Variants in FOCAD observed in about 807,000 individuals in gnomAD.
FOCAD encodes the protein KIAA1797.
Under a neutral mutation model 225.6 loss-of-function variants are expected in FOCAD, and 198 were observed. The ratio of observed to expected loss-of-function variants is 0.88; its 90% CI spans 0.78 to 0.99. The LOEUF (loss-of-function observed/expected upper bound fraction) is 0.99. FOCAD is among the 50% of genes least tolerant of loss of function. FOCAD has a pLI of 0.00. For missense variants in FOCAD, 2,713 were observed against 2,123.6 expected (o/e 1.28, Z -5.46); for synonymous variants, 897 against 755.0 (o/e 1.19, Z -3.08).
At chr9:20,907,283 T>C in intron 22 of FOCAD, 41 bp downstream of exon 22, 1 of 1,491,938 alleles carries the variant, frequency 6.7e-7, no homozygotes, top group Non-Finnish European at 9.3e-7. Context: ...GCGAAATGTC[T>C]CCTTATCTCA....
rs768526873 is a variant in FOCAD at position 20,781,892 on chromosome 9, T to C, written c.1160T>C (p.Met387Thr). The C allele has an allele frequency of 5.6e-6, 9 of 1,614,070 alleles. No homozygotes were observed. The highest frequency in any genetic ancestry group is 3.3e-4 in the Middle Eastern group (2 of 6,056). ...RQQLALNLLE[M>T]IQQECYRDDH... ...CAGTTGGCTCTAAACCTTTTGGAAA[T>C]GATACAGCAGGAATGTTACAGAGAT... The change falls in exon 10 of 44, where the codon ATG becomes ACG. Residue 387 changes from methionine to threonine, a missense_variant. Met to Thr is a moderately conservative substitution (Grantham distance 81). Transcript: ENST00000338382.
intron 15 of FOCAD, among the ~76,000 whole-genome samples, chr9:20,848,249 G>A (rs1213738314): frequency 6.6e-6 from 1 of 152,004 alleles, no homozygotes; most frequent in African/African-American, 2.4e-5. Context: ...ATGATTTGAC[G>A]CTAATAGACT....
intron 15 of FOCAD, among the ~76,000 whole-genome samples, chr9:20,834,350 C>T (rs1825791596): frequency 6.6e-6 from 1 of 151,960 alleles, no homozygotes; most frequent in African/African-American, 2.4e-5. Context: ...GTGTGTTGGG[C>T]TTAATACCTA....
At chr9:20,823,615 A>T (rs1051202178) in intron 15 of FOCAD, among the ~76,000 whole-genome samples, 76 of 152,222 alleles carry the variant, frequency 5.0e-4, no homozygotes, top group African/African-American at 1.8e-3. Flanking sequence ...TGTTCCCAGA[A>T]TTATAACACA....
intron 15 of FOCAD, among the ~76,000 whole-genome samples, chr9:20,844,360 T>TTC (rs1229496833): frequency 7.6e-6 from 1 of 132,332 alleles, no homozygotes; most frequent in Non-Finnish European, 1.6e-5. Context: ...TTTTTTTTTT[T>TTC]TTTTTTTTTT....
chr9:20,699,737 C>CA (rs71334546), intron 1 of FOCAD, among the ~76,000 whole-genome samples: 5 of 40,566 alleles, frequency 1.2e-4, no homozygotes, highest in Non-Finnish European at 1.9e-4. Flanking sequence ...GACTCCGTCT[C>CA]AAAAAAAAAA....
At position 20,889,278 on chromosome 9, in the gene FOCAD, G is replaced by T. The variant is rs557145802; in HGVS notation, c.2625+4048G>T. 2.6e-5 allele frequency among the ~76,000 whole-genome samples: 4 copies of T among 152,100 alleles called. No individual in the cohort carries two copies. In the East Asian group the frequency reaches 7.7e-4, roughly 29 times the overall value. Reference sequence around the variant, plus strand: ...CTTTCACTTAGTATAATGTTTTCAGGGATTTTCCATGTTGTAGCATGTATT... The same window carrying T: ...CTTTCACTTAGTATAATGTTTTCAGTGATTTTCCATGTTGTAGCATGTATT... On this transcript the variant is annotated intron_variant, in intron 21 of 43. Transcript: ENST00000338382.
chr9:20,950,695 A>G (rs942213085), intron 33 of FOCAD, among the ~76,000 whole-genome samples: 5 of 152,052 alleles, frequency 3.3e-5, no homozygotes, highest in Non-Finnish European at 7.4e-5. Flanking sequence ...TTCTTTTGCA[A>G]TTTTTTTGAA....
chr9:20,667,559 C>A (rs193237842), intron 2 of FOCAD, among the ~76,000 whole-genome samples: 2 of 152,308 alleles, frequency 1.3e-5, no homozygotes, highest in East Asian at 3.9e-4. Context: ...ATCTTTCTTT[C>A]TAATGCTGCA....
At chr9:20,681,510 A>T (rs1307770333), upstream of FOCAD, among the ~76,000 whole-genome samples, 2 of 152,230 alleles carry the variant, frequency 1.3e-5, no homozygotes, top group African/African-American at 4.8e-5. Context: ...TACATTGTCC[A>T]TATTTTTTAA....
At chr9:20,678,972 TC>T (rs1336176320) in intron 2 of FOCAD, among the ~76,000 whole-genome samples, 1 of 152,158 alleles carries the variant, frequency 6.6e-6, no homozygotes, top group African/African-American at 2.4e-5. Flanking sequence ...GAAGGTAACA[TC>T]TCAGCAAAGA....
chr9:20,862,187 G>T (rs1828830712), intron 15 of FOCAD, among the ~76,000 whole-genome samples: 1 of 151,966 alleles, frequency 6.6e-6, no homozygotes, highest in Non-Finnish European at 1.5e-5. Flanking sequence ...TAAAAAATGT[G>T]GATACCTGGC....
At position 20,871,655 on chromosome 9, in the gene FOCAD, A is replaced by T. The variant is rs374375599; in HGVS notation, c.2191-3026A>T. Among the ~76,000 whole-genome samples the T allele has an allele frequency of 8.2e-3, 1,178 of 143,142 alleles. 12 individuals are homozygous for T. The highest frequency in any genetic ancestry group is 0.035 in the South Asian group (158 of 4,458). 93.9% of individuals were successfully genotyped at this position (143,142 alleles called of 152,430 possible). On this transcript the variant is annotated intron_variant, in intron 18 of 43. Transcript: ENST00000338382. Reference sequence around the variant, plus strand: ...AATAACCTATGGAAATAAAAAATTTAAAAAAAAAAACCAAACACCGCATGT... The same window carrying T: ...AATAACCTATGGAAATAAAAAATTTTAAAAAAAAAACCAAACACCGCATGT...
chr9:20,968,872 T>C (rs1287338759), intron 35 of FOCAD, among the ~76,000 whole-genome samples: 1 of 152,226 alleles, frequency 6.6e-6, no homozygotes, highest in Non-Finnish European at 1.5e-5. Context: ...GAATTATTTC[T>C]ACTTTTTAAA....
chr9:20,670,513 A>G (rs1309356396), intron 2 of FOCAD, among the ~76,000 whole-genome samples: 1 of 152,192 alleles, frequency 6.6e-6, no homozygotes, highest in Non-Finnish European at 1.5e-5. Context: ...GAGAGAATAG[A>G]GAAAGGGAGG....
intron 5 of FOCAD, among the ~76,000 whole-genome samples, chr9:20,747,442 A>G (rs991813984): frequency 1.3e-5 from 2 of 152,128 alleles, no homozygotes; most frequent in African/African-American, 4.8e-5. Context: ...TTTTATTGAG[A>G]TATAATTTAT....
At chr9:20,812,002 C>G (rs754092040) in intron 11 of FOCAD, among the ~76,000 whole-genome samples, 16 of 152,044 alleles carry the variant, frequency 1.1e-4, no homozygotes, top group Non-Finnish European at 2.2e-4. Flanking sequence ...GGCAAACACA[C>G]TTGTATATAT....
chr9:20,680,635 G>A (rs1190368937), upstream of FOCAD, among the ~76,000 whole-genome samples: 1 of 152,118 alleles, frequency 6.6e-6, no homozygotes, highest in Non-Finnish European at 1.5e-5. Flanking sequence ...AAAGAGGATA[G>A]GACTAGGAGT....
intron 39 of FOCAD, among the ~76,000 whole-genome samples, chr9:20,982,698 A>G (rs1003884801): frequency 6.6e-6 from 1 of 152,150 alleles, no homozygotes; most frequent in Admixed American, 6.5e-5. Flanking sequence ...TTTGTCCTTC[A>G]CCTGATCCTA....
Sources: allele counts gnomAD v4.1 joint callset (sites outside exome capture counted in the v4.1 genomes callset), GRCh38; gene constraint gnomAD v4.1.1; transcripts MANE v1.5; gene names NCBI Gene and HGNC (gene_info 2026-07-23, HGNC 2026-07-21).